GNAL: variants seen among roughly 807,000 people sequenced by gnomAD.
GNAL encodes the protein G protein subunit alpha L.
A neutral mutation model predicts 55.1 loss-of-function variants in GNAL; 18 were observed. The observed-to-expected ratio is 0.33, with a 90% CI of 0.23 to 0.48. The LOEUF (loss-of-function observed/expected upper bound fraction) is 0.48. Among genes scored for constraint, GNAL ranks in the 20% least tolerant of loss-of-function variants. The pLI is 0.99. For missense variants in GNAL, 412 were observed against 614.1 expected (o/e 0.67, Z 3.48); for synonymous variants, 253 against 237.0 (o/e 1.07, Z -0.62).
At chr18:11,722,924 T>G (rs2032128988) in intron 1 of GNAL, among the ~76,000 whole-genome samples, 1 of 148,754 alleles carries the variant, frequency 6.7e-6, no homozygotes, top group Non-Finnish European at 1.5e-5. Flanking sequence ...GGCAGGAGAA[T>G]CACTTGAACC....
chr18:11,753,381 A>G (rs1008682666), intron 2 of GNAL, among the ~76,000 whole-genome samples: 4 of 152,322 alleles, frequency 2.6e-5, no homozygotes, highest in Middle Eastern at 6.8e-3. Flanking sequence ...TGTAACCTGC[A>G]TAGTTGTTTA....
intron 5 of GNAL, among the ~76,000 whole-genome samples, chr18:11,841,734 C>T (rs1343228555): frequency 6.6e-6 from 1 of 151,978 alleles, no homozygotes; most frequent in Non-Finnish European, 1.5e-5. Context: ...GTGAGCACCT[C>T]TGCTTCCCAA....
intron 4 of GNAL, among the ~76,000 whole-genome samples, chr18:11,787,598 C>T (rs557683997): frequency 6.6e-6 from 1 of 152,296 alleles, no homozygotes; most frequent in African/African-American, 2.4e-5. Flanking sequence ...TTTGGCCGGG[C>T]GCGGTGGCCC....
chr18:11,775,874 G>A (rs192424873), intron 4 of GNAL, among the ~76,000 whole-genome samples: 29 of 152,304 alleles, frequency 1.9e-4, no homozygotes, highest in Admixed American at 8.5e-4. Flanking sequence ...TGGGAAAAAA[G>A]TTTTATTGCT....
intron 5 of GNAL, among the ~76,000 whole-genome samples, chr18:11,835,359 G>A (rs554077658): frequency 3.3e-5 from 5 of 151,814 alleles, no homozygotes; most frequent in Admixed American, 2.6e-4. Context: ...GGGCACAGTG[G>A]TGTTTGCCTG....
chr18:11,702,340 G>A (rs1470957662), intron 1 of GNAL: 8 of 152,284 alleles, frequency 5.3e-5, no homozygotes, highest in Non-Finnish European at 1.0e-4. Context: ...TCCCAGAGCC[G>A]GCCTCCTTCT....
At chr18:11,719,606 T>A (rs977159521) in intron 1 of GNAL, among the ~76,000 whole-genome samples, 7 of 152,230 alleles carry the variant, frequency 4.6e-5, no homozygotes, top group East Asian at 1.9e-4. Context: ...AATCTGTTGA[T>A]ACTAAATTGC....
chr18:11,863,121 C>G (rs1040108440), intron 6 of GNAL, among the ~76,000 whole-genome samples: 1 of 152,180 alleles, frequency 6.6e-6, no homozygotes, highest in Non-Finnish European at 1.5e-5. Flanking sequence ...TCAAGTGATA[C>G]ACCTGCCTTG....
intron 1 of GNAL, among the ~76,000 whole-genome samples, chr18:11,690,688 C>G (rs200983624): frequency 1.4e-5 from 2 of 147,194 alleles, no homozygotes; most frequent in Non-Finnish European, 3.0e-5. Context: ...CAATTCCCAC[C>G]TATGAGTGAG....
rs757816838 is a variant in GNAL, at chr18:11,882,104, G to A, written c.*969G>A. 3 of 152,148 alleles carry A rather than the reference G, an allele frequency of 2.0e-5. No individual in the cohort carries two copies. The highest frequency in any genetic ancestry group is 2.9e-5 in the Non-Finnish European group (2 of 68,030). The allele number at this position is 152,148 out of a possible 1,614,324, so 9.4% of individuals were successfully genotyped here. On this transcript the variant is annotated 3_prime_UTR_variant, in exon 12 of 12. Coordinates refer to ENST00000334049, the MANE Select transcript of GNAL (RefSeq NM_182978.4). ...ATTTAAAAAATTGTAAGTTATACACGTTAATCATCCACATTCTATCGACAA... is the reference window on the plus strand; with the variant it reads ...ATTTAAAAAATTGTAAGTTATACACATTAATCATCCACATTCTATCGACAA...
intron 7 of GNAL, among the ~76,000 whole-genome samples, chr18:11,866,542 C>G (rs1425871456): frequency 6.6e-6 from 1 of 150,454 alleles, no homozygotes. Flanking sequence ...CAGGGTGCAG[C>G]TGAGAAACTC....
At chr18:11,830,282 C>CTTT (rs71172023) in intron 5 of GNAL, among the ~76,000 whole-genome samples, 8,309 of 98,946 alleles carry the variant, frequency 0.084, 929 homozygotes, top group African/African-American at 0.18. Context: ...AGAATTGCAT[C>CTTT]TTTTTTTTTT....
intron 1 of GNAL, among the ~76,000 whole-genome samples, chr18:11,703,795 G>GCGCACACACACACACACA (rs1311432181): frequency 2.6e-4 from 37 of 141,496 alleles, no homozygotes; most frequent in African/African-American, 9.2e-4. Flanking sequence ...GTGTTGATGG[G>GCGCACACACACACACACA]CACACACACA....
chr18:11,875,421 G>C (rs1348321613), intron 10 of GNAL, among the ~76,000 whole-genome samples: 1 of 152,220 alleles, frequency 6.6e-6, no homozygotes, highest in Non-Finnish European at 1.5e-5. Context: ...TTGTGGAATT[G>C]TAATCCCCAG....
At chr18:11,860,055 T>A (rs1015172483) in intron 5 of GNAL, among the ~76,000 whole-genome samples, 1 of 152,198 alleles carries the variant, frequency 6.6e-6, no homozygotes, top group African/African-American at 2.4e-5. Flanking sequence ...GCTAACATTC[T>A]TTAATGACTG....
Position 11,884,539 on chromosome 18 carries a change from C to T in GNAL, c.*3404C>T. The T allele has an allele frequency of 6.2e-7, 1 of 1,614,042 alleles. No individual in the cohort carries two copies. The highest frequency in any genetic ancestry group is 8.5e-7 in the Non-Finnish European group (1 of 1,180,002). On this transcript the variant is annotated 3_prime_UTR_variant, in exon 12 of 12. Transcript: ENST00000334049. ...AGTGAGTGTGAGGACCACAAGGAAGCCCACCACTCCACAGTAGATGATCAA... is the reference window on the plus strand; with the variant it reads ...AGTGAGTGTGAGGACCACAAGGAAGTCCACCACTCCACAGTAGATGATCAA...
intron 1 of GNAL, among the ~76,000 whole-genome samples, chr18:11,718,355 T>G (rs2143393394): frequency 6.6e-6 from 1 of 152,304 alleles, no homozygotes; most frequent in African/African-American, 2.4e-5. Context: ...ATTTAAGTCA[T>G]TCAGAGACAA....
Position 11,884,417 on chromosome 18 carries a change from C to A in GNAL, c.*3282C>A. 1 of 1,606,270 alleles carries A rather than the reference C, an allele frequency of 6.2e-7. No homozygotes were observed. Among genetic ancestry groups the A allele is most frequent in the Non-Finnish European group, 8.5e-7 (1 of 1,174,786 alleles). On this transcript the variant is annotated 3_prime_UTR_variant, in exon 12 of 12. Transcript: ENST00000334049. ...TCTGCCCAAAGTTCCATTTCTTGGG[C>A]TTTGATATTTATAATGGCGCCTGCT... is the stretch of plus-strand genomic sequence containing the variant.
chr18:11,768,359 C>G (rs2033478339), intron 4 of GNAL, among the ~76,000 whole-genome samples: 1 of 152,076 alleles, frequency 6.6e-6, no homozygotes, highest in South Asian at 2.1e-4. Flanking sequence ...CCAGCACTTT[C>G]AGAGGCTGAG....
Sources: allele counts gnomAD v4.1 joint callset (sites outside exome capture counted in the v4.1 genomes callset), GRCh38; gene constraint gnomAD v4.1.1; transcripts MANE v1.5; gene names NCBI Gene and HGNC (gene_info 2026-07-23, HGNC 2026-07-21).